TUSC3: variants seen among roughly 807,000 people sequenced by gnomAD.
TUSC3 encodes the protein tumor suppressor candidate 3, also known as dolichyl-diphosphooligosaccharide--protein glycosyltransferase subunit TUSC3.
A neutral mutation model predicts 44.8 loss-of-function variants in TUSC3; 45 were observed. The observed-to-expected ratio is 1.00, with a 90% CI of 0.79 to 1.29. The LOEUF (loss-of-function observed/expected upper bound fraction) is 1.29. Among genes scored for constraint, TUSC3 ranks in the 50% most tolerant of loss-of-function variants. The pLI is 0.00. For synonymous variants in TUSC3, 212 were observed against 152.9 expected, an observed-to-expected ratio of 1.39 and a Z score of -2.85; for missense variants, 519 against 437.9, an observed-to-expected ratio of 1.19 and a Z score of -1.65.
chr8:15,496,070 G>A (rs1038585232), intron 2 of TUSC3, among the ~76,000 whole-genome samples: 1 of 152,086 alleles, frequency 6.6e-6, no homozygotes, highest in Non-Finnish European at 1.5e-5. Flanking sequence ...CTGTCTAATA[G>A]ACTCAACTTT....
At chr8:15,768,799 A>G (rs1055126741), downstream of TUSC3, among the ~76,000 whole-genome samples, 1 of 152,162 alleles carries the variant, frequency 6.6e-6, no homozygotes, top group Admixed American at 6.6e-5. Flanking sequence ...TCCCAATAAC[A>G]GCCAAATCAT....
the TUSC3 span, among the ~76,000 whole-genome samples, chr8:15,788,122 CT>C: frequency 6.6e-6 from 1 of 152,090 alleles, no homozygotes; most frequent in African/African-American, 2.4e-5. Flanking sequence ...GCTGTGAGGA[CT>C]TTTGAAAACC....
intron 1 of TUSC3, among the ~76,000 whole-genome samples, chr8:15,450,086 G>A (rs1313791666): frequency 6.6e-6 from 1 of 152,068 alleles, no homozygotes; most frequent in Admixed American, 6.5e-5. Context: ...ACGTATTCTT[G>A]TCATTGAGTG....
intron 2 of TUSC3, among the ~76,000 whole-genome samples, chr8:15,627,620 T>G (rs11774766): frequency 0.22 from 33,456 of 152,234 alleles, 4,443 homozygotes; most frequent in Non-Finnish European, 0.3. Flanking sequence ...TGTGACTCCC[T>G]TTTTGGGGCC....
At chr8:15,817,386 G>T in the TUSC3 span, among the ~76,000 whole-genome samples, 1 of 151,840 alleles carries the variant, frequency 6.6e-6, no homozygotes, top group East Asian at 1.9e-4. Flanking sequence ...ATGCTCAAAG[G>T]GTAACTATGT....
At chr8:15,721,495 A>T (rs994919726) in intron 6 of TUSC3, among the ~76,000 whole-genome samples, 5 of 152,228 alleles carry the variant, frequency 3.3e-5, no homozygotes, top group African/African-American at 1.2e-4. Flanking sequence ...TATACTTTTC[A>T]TATATACGTG....
intron 1 of TUSC3, among the ~76,000 whole-genome samples, chr8:15,544,468 G>T (rs1341730433): frequency 6.6e-6 from 1 of 151,734 alleles, no homozygotes; most frequent in Non-Finnish European, 1.5e-5. Flanking sequence ...AGGTAATAAT[G>T]AATATGCAAT....
intron 6 of TUSC3, among the ~76,000 whole-genome samples, chr8:15,691,156 T>C (rs1808883376): frequency 6.6e-6 from 1 of 152,050 alleles, no homozygotes; most frequent in Admixed American, 6.6e-5. Flanking sequence ...TTTTTCCATT[T>C]GTTTGTATCA....
intron 1 of TUSC3, among the ~76,000 whole-genome samples, chr8:15,574,534 G>T (rs1198494133): frequency 6.6e-6 from 1 of 152,016 alleles, no homozygotes; most frequent in African/African-American, 2.4e-5. Flanking sequence ...TTAGGTTAGG[G>T]TGGGTCTGGA....
intron 1 of TUSC3, among the ~76,000 whole-genome samples, chr8:15,618,495 C>G (rs77928249): frequency 3.4e-4 from 52 of 152,196 alleles, no homozygotes; most frequent in African/African-American, 1.2e-3. Context: ...TCAGGATTAT[C>G]AATATCACTA....
At chr8:15,615,280 A>G (rs1392508763) in intron 1 of TUSC3, among the ~76,000 whole-genome samples, 2 of 152,242 alleles carry the variant, frequency 1.3e-5, no homozygotes, top group Non-Finnish European at 2.9e-5. Context: ...TTCAGCTGTA[A>G]GAAGAAATGA....
chr8:15,612,029 A>C (rs1804784520), intron 1 of TUSC3, among the ~76,000 whole-genome samples: 1 of 152,148 alleles, frequency 6.6e-6, no homozygotes, highest in Non-Finnish European at 1.5e-5. Context: ...GACTCCTTTA[A>C]AAATATAAGA....
At chr8:15,582,163 C>T (rs535660844) in intron 1 of TUSC3, among the ~76,000 whole-genome samples, 19 of 152,322 alleles carry the variant, frequency 1.2e-4, no homozygotes, top group East Asian at 9.7e-4. Context: ...CGCCCTGCTT[C>T]GGCTCGCGCA....
intron 1 of TUSC3, among the ~76,000 whole-genome samples, chr8:15,463,004 T>C (rs1800366763): frequency 6.6e-6 from 1 of 151,686 alleles, no homozygotes; most frequent in African/African-American, 2.4e-5. Flanking sequence ...TTTTGTTCTC[T>C]TCTCTTTATT....
At chr8:15,734,719 G>A (rs1057431002) in intron 7 of TUSC3, among the ~76,000 whole-genome samples, 3 of 152,302 alleles carry the variant, frequency 2.0e-5, no homozygotes, top group African/African-American at 7.2e-5. Flanking sequence ...CTAGAGAATT[G>A]GCACTGACTT....
chr8:15,436,038 G>C (rs73189479), intron 1 of TUSC3, among the ~76,000 whole-genome samples: 4,322 of 152,204 alleles, frequency 0.028, 97 homozygotes, highest in South Asian at 0.091. Context: ...CCTTGACTGA[G>C]GCTGGAATAC....
At chr8:15,777,966 A>C in the TUSC3 span, among the ~76,000 whole-genome samples, 2 of 152,106 alleles carry the variant, frequency 1.3e-5, no homozygotes, top group South Asian at 2.1e-4. Flanking sequence ...AAATTTTTCA[A>C]ATAAAAAGAG....
chr8:15,538,165 T>C (rs1801552077), upstream of TUSC3, among the ~76,000 whole-genome samples: 2 of 152,172 alleles, frequency 1.3e-5, no homozygotes, highest in Admixed American at 1.3e-4. Context: ...GTAAATGCCT[T>C]ATTACACCAT....
intron 1 of TUSC3, among the ~76,000 whole-genome samples, chr8:15,586,206 A>G (rs77620571): frequency 0.025 from 3,865 of 152,268 alleles, 175 homozygotes; most frequent in African/African-American, 0.088. Flanking sequence ...TTAAGTCAGT[A>G]GTGACTGTGA....
Sources: gnomAD v4.1 joint callset for allele counts (sites outside exome capture counted in the v4.1 genomes callset) on GRCh38, gnomAD v4.1.1 for gene constraint, MANE v1.5 for transcripts, NCBI Gene and HGNC (gene_info 2026-07-23, HGNC 2026-07-21) for gene names.